The following SUFU variants were observed in gnomAD, a reference collection of about 807,000 sequenced individuals.
The protein encoded by SUFU is suppressor of fused homolog.
A neutral mutation model predicts 58.9 loss-of-function variants in SUFU; 7 were observed. The observed-to-expected ratio is 0.12, with a 90% CI of 0.07 to 0.22. The LOEUF (loss-of-function observed/expected upper bound fraction) is 0.22. Ranked by LOEUF, SUFU falls within the 10% of genes least tolerant of loss-of-function variation. The probability of loss-of-function intolerance (pLI) is 1.00; values close to 1 mark genes in which losing one functional copy is unlikely to be tolerated. For missense variants in SUFU, 451 were observed against 641.3 expected, an observed-to-expected ratio of 0.70 and a Z score of 3.20; for synonymous variants, 232 against 254.8, an observed-to-expected ratio of 0.91 and a Z score of 0.85.
rs1191296152 is a variant in SUFU at position 102,631,671 on chromosome 10, T to A, written c.*1516T>A. The stretch of plus-strand genomic sequence containing the variant: ...GTGCCCACAGGGTGCAGGACTCCAC[T>A]GATGAGAGATCCAGCCAAAGAGCTG... On this transcript the variant is annotated 3_prime_UTR_variant, in exon 12 of 12. Transcript: ENST00000369902. 1 of 233,046 alleles carries A rather than the reference T, an allele frequency of 4.3e-6. No individual in the cohort carries two copies. The highest frequency in any genetic ancestry group is 8.5e-6 in the Non-Finnish European group (1 of 118,136). The allele number at this position is 233,046 out of a possible 1,614,324, so 14.4% of individuals were successfully genotyped here.
chr10:102,622,462 G>A (rs1590088531), intron 10 of SUFU, among the ~76,000 whole-genome samples: 1 of 152,188 alleles, frequency 6.6e-6, no homozygotes, highest in African/African-American at 2.4e-5. Flanking sequence ...ATACAAAATT[G>A]CCAGGCACGG....
chr10:102,522,431 A>G (rs1277592756), intron 2 of SUFU, among the ~76,000 whole-genome samples: 2 of 152,104 alleles, frequency 1.3e-5, no homozygotes, highest in Non-Finnish European at 2.9e-5. Flanking sequence ...TAAATACCAC[A>G]CGCCTCCTCC....
intron 7 of SUFU, 107 bp downstream of exon 7, chr10:102,597,400 T>A: frequency 7.2e-7 from 1 of 1,388,138 alleles, no homozygotes; most frequent in South Asian, 1.4e-5. Context: ...ACCCATTCAA[T>A]AGTTTATTTC....
chr10:102,583,072 A>G (rs980579582), intron 3 of SUFU, among the ~76,000 whole-genome samples: 23 of 152,172 alleles, frequency 1.5e-4, no homozygotes, highest in African/African-American at 5.5e-4. Context: ...GGGTGGGCGC[A>G]GGGGCCTGAG....
intron 8 of SUFU, among the ~76,000 whole-genome samples, chr10:102,603,876 G>A (rs2063538116): frequency 2.6e-5 from 4 of 152,204 alleles, no homozygotes; most frequent in Admixed American, 2.0e-4. Flanking sequence ...AGAAAATTGT[G>A]TTTTGTTTTG....
intron 3 of SUFU, among the ~76,000 whole-genome samples, chr10:102,569,331 A>G (rs1403664914): frequency 2.0e-5 from 3 of 152,264 alleles, no homozygotes; most frequent in Non-Finnish European, 4.4e-5. Context: ...AGCACTGTGT[A>G]GTCTTTCAAG....
At chr10:102,611,538 A>G (rs2063622970) in intron 8 of SUFU, among the ~76,000 whole-genome samples, 2 of 152,182 alleles carry the variant, frequency 1.3e-5, no homozygotes, top group Non-Finnish European at 2.9e-5. Flanking sequence ...TCAGCAGGGA[A>G]CTGGCCTGGC....
intron 3 of SUFU, among the ~76,000 whole-genome samples, chr10:102,550,610 T>G (rs1163324149): frequency 6.6e-6 from 1 of 152,200 alleles, no homozygotes; most frequent in Middle Eastern, 3.2e-3. Context: ...GGAGAGCTTG[T>G]TGCAAATACA....
intron 8 of SUFU, among the ~76,000 whole-genome samples, chr10:102,608,911 CTT>C (rs2063591374): frequency 6.6e-6 from 1 of 152,204 alleles, no homozygotes; most frequent in Non-Finnish European, 1.5e-5. Context: ...AGAGGCTTCT[CTT>C]AAATTAAAAT....
chr10:102,625,701 A>T lies in SUFU; in HGVS notation c.1297-1474A>T, dbSNP rs1325255622. On this transcript the variant is annotated intron_variant, in intron 10 of 11. Transcript: ENST00000369902. This position sits in a 1 kb window ranked among gnomAD's most constrained non-coding sequence, Gnocchi z 4.7. ...CCTGTTTCCTCCACTGTAAGGAGAC[A>T]TGGAGATGAGCAGTTAGCATGCCCG... Among the ~76,000 whole-genome samples, 1 of 152,214 alleles carries T rather than the reference A, an allele frequency of 6.6e-6. No homozygotes were observed. Among genetic ancestry groups the T allele is most frequent in the Non-Finnish European group, 1.5e-5 (1 of 68,040 alleles).
At chr10:102,543,957 A>G (rs1371493354) in intron 2 of SUFU, among the ~76,000 whole-genome samples, 2 of 152,160 alleles carry the variant, frequency 1.3e-5, no homozygotes, top group Non-Finnish European at 2.9e-5. Context: ...GCAAAAATAG[A>G]TTAATTAGGC....
chr10:102,585,159 G>A (rs1466748157), intron 3 of SUFU, among the ~76,000 whole-genome samples: 1 of 151,970 alleles, frequency 6.6e-6, no homozygotes, highest in Admixed American at 6.6e-5. Context: ...ATTGACATAC[G>A]ATTCACATAC....
intron 2 of SUFU, among the ~76,000 whole-genome samples, chr10:102,515,589 T>G (rs2062459506): frequency 6.6e-6 from 1 of 152,152 alleles, no homozygotes; most frequent in Admixed American, 6.5e-5. Context: ...GTGCTGGGAT[T>G]ACAGGTGTGA....
intron 10 of SUFU, among the ~76,000 whole-genome samples, chr10:102,623,670 TG>T (rs2063761684): frequency 6.6e-6 from 1 of 152,154 alleles, no homozygotes; most frequent in Non-Finnish European, 1.5e-5. Context: ...CCAGGCGTGG[TG>T]GCTCTTGCCT....
chr10:102,589,670 T>C (rs891946776), intron 3 of SUFU, among the ~76,000 whole-genome samples: 11 of 152,210 alleles, frequency 7.2e-5, no homozygotes, highest in African/African-American at 2.6e-4. Flanking sequence ...GGTCTCAGAC[T>C]CCTGACCTCA....
In SUFU at chr10:102,628,772, G is replaced by A. The variant is rs953318188; in HGVS notation, c.1366-1294G>A. Among the ~76,000 whole-genome samples, 3 of 152,148 alleles carry A rather than the reference G, an allele frequency of 2.0e-5. No individual in the cohort carries two copies. The highest frequency in any genetic ancestry group is 2.0e-4 in the Admixed American group (3 of 15,274). Reference sequence around the variant, plus strand: ...GAGGCAGCCAGGAAGGGTCAGGCTCGTCTGCCTCCAGCCCCAGACCGAGGC... The same window carrying A: ...GAGGCAGCCAGGAAGGGTCAGGCTCATCTGCCTCCAGCCCCAGACCGAGGC... On this transcript the variant is annotated intron_variant, in intron 11 of 11. Coordinates refer to ENST00000369902, the MANE Select transcript of SUFU (RefSeq NM_016169.4). This position sits in a 1 kb window ranked among gnomAD's most constrained non-coding sequence, Gnocchi z 4.5.
At chr10:102,582,873 C>T (rs577896333) in intron 3 of SUFU, among the ~76,000 whole-genome samples, 9 of 152,218 alleles carry the variant, frequency 5.9e-5, no homozygotes, top group East Asian at 1.9e-4. Context: ...ACACTGGGTG[C>T]GGGGGAGCCT....
chr10:102,566,944 A>C (rs1387050040), intron 3 of SUFU, among the ~76,000 whole-genome samples: 1 of 147,136 alleles, frequency 6.8e-6, no homozygotes, highest in Non-Finnish European at 1.5e-5. Flanking sequence ...CTCCATCTCA[A>C]AAAAAAAAAA....
At chr10:102,604,695 TA>T (rs1031251866) in intron 8 of SUFU, among the ~76,000 whole-genome samples, 3 of 151,966 alleles carry the variant, frequency 2.0e-5, no homozygotes, top group African/African-American at 7.3e-5. Context: ...CTGGCTAGAG[TA>T]AGCTCATTCA....
Sources: allele counts gnomAD v4.1 joint callset (sites outside exome capture counted in the v4.1 genomes callset), GRCh38; gene constraint gnomAD v4.1.1; non-coding constraint Gnocchi (gnomAD v3.1); transcripts MANE v1.5; gene names NCBI Gene and HGNC (gene_info 2026-07-23, HGNC 2026-07-21).